The following CACNA1S variants were observed in gnomAD, a reference collection of about 807,000 sequenced individuals.
CACNA1S encodes the protein calcium voltage-gated channel subunit alpha1 S, also known as voltage-dependent L-type calcium channel subunit alpha-1S.
Under a neutral mutation model 207.4 loss-of-function variants are expected in CACNA1S, and 126 were observed. That is an observed-to-expected ratio of 0.61 (90% CI 0.53 to 0.70). The LOEUF (loss-of-function observed/expected upper bound fraction) is 0.70. Among genes scored for constraint, CACNA1S ranks in the 30% least tolerant of loss-of-function variants. CACNA1S has a pLI of 0.00. For missense variants in CACNA1S, 2,349 were observed against 2,422.8 expected (o/e 0.97, Z 0.64); for synonymous variants, 960 against 932.7 (o/e 1.03, Z -0.53).
intron 31 of CACNA1S, 138 bp from the exon 32 acceptor site, chr1:201,052,786 ACCTG>A: frequency 3.2e-5 from 23 of 716,974 alleles, no homozygotes; most frequent in Admixed American, 1.8e-4. Context: ...GCCACATCAG[ACCTG>A]AAGCCAAAAA....
Position 201,058,465 on chromosome 1 carries a change from C to T in CACNA1S, c.3552G>A (p.Val1184=). Residue 1184 remains valine (V), a synonymous_variant, in exon 28 of 44, where the codon GTG becomes GTA. Coordinates refer to ENST00000362061, the MANE Select transcript of CACNA1S (RefSeq NM_000069.3). ...TGCCAATGACAATCAGGAAGTCAAA[C>T]ACATTCCAGGGGTCTCCAAAGTAGC... is the stretch of plus-strand genomic sequence containing the variant. ...ARGYFGDPWN[V]FDFLIVIGSI... 1 of 1,614,170 alleles carries T rather than the reference C, an allele frequency of 6.2e-7. No individual in the cohort carries two copies. Among genetic ancestry groups the T allele is most frequent in the Non-Finnish European group, 8.5e-7 (1 of 1,179,986 alleles).
rs141015698 is a variant in CACNA1S, at chr1:201,102,374, G to A, written c.258+7790C>T. Among the ~76,000 whole-genome samples, 386 of 152,272 alleles carry A rather than the reference G, an allele frequency of 2.5e-3. 1 individual carries two copies. The highest frequency in any genetic ancestry group is 2.2e-3 in the Non-Finnish European group (151 of 68,010). ...GCAAAGGTAGGGAAGGGTACAGGCCGGAAACAACGAGGTGCCCAAGGTAAG... is the reference window on the plus strand; with the variant it reads ...GCAAAGGTAGGGAAGGGTACAGGCCAGAAACAACGAGGTGCCCAAGGTAAG... On this transcript the variant is annotated intron_variant, in intron 2 of 43. Transcript: ENST00000362061.
intron 28 of CACNA1S, among the ~76,000 whole-genome samples, chr1:201,055,005 A>C (rs1380082586): frequency 6.6e-6 from 1 of 152,214 alleles, no homozygotes; most frequent in Non-Finnish European, 1.5e-5. Context: ...TGGAAGTCCC[A>C]TCTCCCAGGG....
rs371991382 is a variant in CACNA1S, at chr1:201,091,653, G to A, written c.681C>T (p.Tyr227=). 58 of 1,614,112 alleles carry A rather than the reference G, an allele frequency of 3.6e-5. No individual in the cohort carries two copies. Among genetic ancestry groups the A allele is most frequent in the South Asian group, 2.7e-4 (25 of 91,088 alleles). Reference sequence around the variant, plus strand: ...CTGGGAGCTCACCTGTACCAATGAAGTAGCAGGTCTTGTGCATCTTGCCCT... The same window carrying A: ...CTGGGAGCTCACCTGTACCAATGAAATAGCAGGTCTTGTGCATCTTGCCCT... ...LFKGKMHKTC[Y]FIGTDIVATV... is the part of the protein sequence containing the mutation. The change falls in exon 5 of 44, where the codon TAC becomes TAT. Residue 227 remains tyrosine (Y), a synonymous_variant. Coordinates refer to ENST00000362061, the MANE Select transcript of CACNA1S (RefSeq NM_000069.3).
intron 2 of CACNA1S, among the ~76,000 whole-genome samples, chr1:201,098,156 T>C (rs1662505569): frequency 6.6e-6 from 1 of 152,222 alleles, no homozygotes; most frequent in Non-Finnish European, 1.5e-5. Flanking sequence ...GGGACTTAGC[T>C]CTGTTCACTG....
Position 201,070,303 on chromosome 1 carries a change from T to TA in CACNA1S, c.2328_2329insT (p.Ser777Ter), listed in dbSNP as rs1342680971. On this transcript the variant is annotated frameshift_variant, in exon 17 of 44. Coordinates refer to ENST00000362061, the MANE Select transcript of CACNA1S (RefSeq NM_000069.3). LOFTEE classifies it high-confidence loss of function. ...GTGGGGCTGAAGATGAAGAAGGAGC[T>TA]GGCTTCTGGAATGGGCACGGCCTTC... 1 of 1,614,032 alleles carries TA rather than the reference T, an allele frequency of 6.2e-7. No individual in the cohort carries two copies. The highest frequency in any genetic ancestry group is 8.5e-7 in the Non-Finnish European group (1 of 1,180,016).
At chr1:201,072,391 T>C (rs920013346) in intron 16 of CACNA1S, among the ~76,000 whole-genome samples, 3 of 152,066 alleles carry the variant, frequency 2.0e-5, no homozygotes, top group Non-Finnish European at 4.4e-5. Flanking sequence ...TCACGACATA[T>C]ATGGGCGTGT....
chr1:201,073,735 G>T lies in CACNA1S; in HGVS notation c.2064-93C>A, dbSNP rs1661501995. On this transcript the variant is annotated intron_variant, in intron 14 of 43. Transcript: ENST00000362061. ...ACCTTCAGGAGGATCCCACACCAAG[G>T]GCTCCAGGGGATCTGTAGGAGGAGT... 1.2e-5 allele frequency: 12 copies of T among 983,914 alleles called. No individual in the cohort carries two copies. The South Asian group carries it at 1.4e-4, about 11-fold the overall frequency. The allele number at this position is 983,914 out of a possible 1,614,324, so 60.9% of individuals were successfully genotyped here. A position where few individuals can be genotyped will look rare whatever the true frequency, so the allele number is the denominator to read the frequency against.
In CACNA1S at chr1:201,052,581, G is replaced by A. The variant is rs756840267; in HGVS notation, c.3929C>T (p.Pro1310Leu). The A allele has an allele frequency of 1.9e-6, 3 of 1,613,860 alleles. No homozygotes were observed. The highest frequency in any genetic ancestry group is 2.5e-6 in the Non-Finnish European group (3 of 1,179,816). The change falls in exon 32 of 44, where the codon CCA (proline) becomes CTA (leucine). Residue 1310 changes from proline to leucine, a missense_variant. Transcript: ENST00000362061. ...INRNNNFQTF[P>L]QAVLLLFRCA... ...CCTGAAGAGCAGTAGCACAGCTTGT[G>A]GGAAGGTCTGGAAGTTGTTGTTCCG...
Position 201,084,942 on chromosome 1 carries a change from A to G in CACNA1S, c.1232+8T>C. 6.2e-7 allele frequency: 1 copy of G among 1,605,410 alleles called. No individual in the cohort carries two copies. Among genetic ancestry groups the G allele is most frequent in the South Asian group, 1.1e-5 (1 of 90,942 alleles). ...TGGGGGTTCCTGGGGCAGTGGGCAG[A>G]TACTCACATGAACTGGATGATTTTG... is the stretch of plus-strand genomic sequence containing the variant. On this transcript the variant is annotated splice_region_variant and intron_variant, in intron 9 of 43. Transcript: ENST00000362061.
At chr1:201,089,150 C>T in intron 6 of CACNA1S, 108 bp downstream of exon 6, 1 of 1,016,898 alleles carries the variant, frequency 9.8e-7, no homozygotes, top group South Asian at 1.3e-5. Flanking sequence ...TGTGGTCACG[C>T]AAGTCAGAGA....
intron 22 of CACNA1S, among the ~76,000 whole-genome samples, chr1:201,063,307 T>C (rs1661135808): frequency 6.6e-6 from 1 of 151,822 alleles, no homozygotes; most frequent in African/African-American, 2.4e-5. Context: ...GGTCTTTTTT[T>C]TTTTTGTTTG....
At chr1:201,043,122 G>T in intron 40 of CACNA1S, 159 bp downstream of exon 40, 1 of 868,394 alleles carries the variant, frequency 1.2e-6, no homozygotes, top group Non-Finnish European at 1.9e-6. Flanking sequence ...CTGCCATCGA[G>T]GTCGGCCTCT....
rs1416420706 is a variant in CACNA1S at position 201,062,241 on chromosome 1, G to C, written c.2907-151C>G. ...ACACCGCTGGGCGAGTCCGAGGAAA[G>C]GGGCCTCTGTGAGTGTCCCTCCTAA... is the stretch of plus-strand genomic sequence containing the variant. On this transcript the variant is annotated intron_variant, in intron 23 of 43. Coordinates refer to ENST00000362061, the MANE Select transcript of CACNA1S (RefSeq NM_000069.3). The C allele has an allele frequency of 2.7e-5, 30 of 1,111,610 alleles. No homozygotes were observed. The Admixed American group carries it at 5.8e-4, about 21-fold the overall frequency. The allele number at this position is 1,111,610 out of a possible 1,614,324, so 68.9% of individuals were successfully genotyped here. A position where few individuals can be genotyped will look rare whatever the true frequency, so the allele number is the denominator to read the frequency against.
chr1:201,077,809 T>C (rs1661681698), intron 11 of CACNA1S, 70 bp downstream of exon 11: 1 of 1,018,480 alleles, frequency 9.8e-7, no homozygotes, highest in Admixed American at 1.9e-5. Flanking sequence ...GGAAATGAGA[T>C]GGGTGTAGAC....
rs1472093533 is a variant in CACNA1S, at chr1:201,041,685, C to G, written c.5049-96G>C. The stretch of plus-strand genomic sequence containing the variant: ...CCCAAACATCCTTTTCCCTCAGAGC[C>G]TGTACAAGGCCAACCTAGTGTAGCA... On this transcript the variant is annotated intron_variant, in intron 40 of 43. Coordinates refer to ENST00000362061, the MANE Select transcript of CACNA1S (RefSeq NM_000069.3). 3 of 895,286 alleles carry G rather than the reference C, an allele frequency of 3.4e-6. No homozygotes were observed. In the East Asian group the frequency reaches 7.7e-5, roughly 23 times the overall value. 55.5% of individuals were successfully genotyped at this position (895,286 alleles called of 1,614,324 possible).
intron 6 of CACNA1S, 78 bp from the exon 7 acceptor site, chr1:201,088,007 C>T (rs1662095398): frequency 2.1e-6 from 2 of 941,308 alleles, no homozygotes; most frequent in South Asian, 1.4e-5. Context: ...AAGACTCCAC[C>T]CAACCCTGGG....
intron 28 of CACNA1S, among the ~76,000 whole-genome samples, chr1:201,057,299 C>T (rs947986294): frequency 6.6e-6 from 1 of 152,226 alleles, no homozygotes; most frequent in African/African-American, 2.4e-5. Flanking sequence ...GCACTGCTGT[C>T]GTGTTCTGCC....
intron 1 of CACNA1S, among the ~76,000 whole-genome samples, chr1:201,110,936 G>A (rs1663076831): frequency 6.6e-6 from 1 of 152,226 alleles, no homozygotes; most frequent in African/African-American, 2.4e-5. Flanking sequence ...AGAAAGCAAG[G>A]GAGGAAGCGA....
Sources: allele counts gnomAD v4.1 joint callset (sites outside exome capture counted in the v4.1 genomes callset), GRCh38; gene constraint gnomAD v4.1.1; transcripts MANE v1.5; gene names NCBI Gene and HGNC (gene_info 2026-07-23, HGNC 2026-07-21).